The following CHN2 variants were observed in gnomAD, a reference collection of about 807,000 sequenced individuals.
CHN2 encodes the protein beta-chimaerin.
Under a neutral mutation model 56.3 loss-of-function variants are expected in CHN2, and 35 were observed. The observed-to-expected ratio is 0.62, with a 90% confidence interval of 0.47 to 0.82. CHN2 has a LOEUF of 0.82. Among genes scored for constraint, CHN2 ranks in the 40% least tolerant of loss-of-function variants. CHN2 has a pLI of 0.00. For missense variants in CHN2, 491 were observed against 580.5 expected (o/e 0.85, Z 1.58); for synonymous variants, 210 against 212.8 (o/e 0.99, Z 0.12).
intron 6 of CHN2, among the ~76,000 whole-genome samples, chr7:29,422,243 G>T (rs771482357): frequency 6.6e-6 from 1 of 152,122 alleles, no homozygotes; most frequent in African/African-American, 2.4e-5. Context: ...ATGATGGAAG[G>T]TTGGGCGTGG....
chr7:29,371,123 C>T (rs141397892), intron 3 of CHN2, among the ~76,000 whole-genome samples: 9 of 152,284 alleles, frequency 5.9e-5, no homozygotes, highest in Non-Finnish European at 1.3e-4. Flanking sequence ...TGATTCATGG[C>T]AGAGTCAGAA....
At chr7:29,408,076 G>T (rs566129496) in intron 6 of CHN2, among the ~76,000 whole-genome samples, 1 of 151,912 alleles carries the variant, frequency 6.6e-6, no homozygotes, top group Non-Finnish European at 1.5e-5. Flanking sequence ...TGTAATCCCA[G>T]CTACTCTGGA....
At chr7:29,448,693 T>C (rs1157281705) in intron 6 of CHN2, among the ~76,000 whole-genome samples, 3 of 152,228 alleles carry the variant, frequency 2.0e-5, no homozygotes, top group Admixed American at 6.5e-5. Context: ...GCCTGAAATA[T>C]TCTCCTGGGC....
intron 1 of CHN2, among the ~76,000 whole-genome samples, chr7:29,228,177 CGTGT>C (rs374910303): frequency 6.7e-6 from 1 of 149,328 alleles, no homozygotes; most frequent in Non-Finnish European, 1.5e-5. Flanking sequence ...CACACACACA[CGTGT>C]GTGTGTGTGT....
intron 6 of CHN2, among the ~76,000 whole-genome samples, chr7:29,412,432 A>G (rs1803328982): frequency 6.9e-6 from 1 of 144,608 alleles, no homozygotes; most frequent in Admixed American, 7.3e-5. Flanking sequence ...CCCGGGTTCA[A>G]GTGATTCTTC....
intron 1 of CHN2, among the ~76,000 whole-genome samples, chr7:29,266,083 C>T (rs1054487769): frequency 3.3e-5 from 5 of 152,162 alleles, no homozygotes; most frequent in Admixed American, 1.3e-4. Context: ...ACATCCTGCC[C>T]GAATGGCTGT....
intron 2 of CHN2, among the ~76,000 whole-genome samples, chr7:29,183,907 A>C (rs1046997471): frequency 2.0e-5 from 3 of 152,230 alleles, no homozygotes; most frequent in Non-Finnish European, 2.9e-5. Context: ...ATTAAAAATG[A>C]TACAAATAAA....
chr7:29,427,403 T>C (rs181923143), intron 6 of CHN2, among the ~76,000 whole-genome samples: 135 of 152,242 alleles, frequency 8.9e-4, no homozygotes, highest in East Asian at 5.8e-4. Flanking sequence ...CAGAATCCCT[T>C]TTACCGTATA....
intron 6 of CHN2, among the ~76,000 whole-genome samples, chr7:29,416,031 G>A (rs1045792360): frequency 7.9e-5 from 12 of 152,256 alleles, no homozygotes; most frequent in Admixed American, 4.6e-4. Context: ...ATTATTCCAC[G>A]GGGTTGGATA....
chr7:29,361,564 C>T lies in CHN2; in HGVS notation c.89-6368C>T, dbSNP rs897355717. On this transcript the variant is annotated intron_variant, in intron 2 of 12. Transcript: ENST00000222792. ...CCAGGAGAGAGAGGTGGCAGTTCCT[C>T]GCTTCTGGGGTTTGCCTTCCCCTTC... Among the ~76,000 whole-genome samples the T allele has an allele frequency of 2.0e-5, 3 of 152,174 alleles. No individual in the cohort carries two copies. In the East Asian group the frequency reaches 5.8e-4, roughly 29 times the overall value.
At chr7:29,427,009 CT>C (rs1192372267) in intron 6 of CHN2, among the ~76,000 whole-genome samples, 1 of 152,220 alleles carries the variant, frequency 6.6e-6, no homozygotes, top group Non-Finnish European at 1.5e-5. Context: ...AGAAAACTCT[CT>C]GCTTATAAAG....
At chr7:29,502,824 T>C (rs1232368955) in intron 9 of CHN2, among the ~76,000 whole-genome samples, 1 of 152,134 alleles carries the variant, frequency 6.6e-6, no homozygotes, top group Non-Finnish European at 1.5e-5. Context: ...GGTGATTTGC[T>C]GCACCTATCA....
chr7:29,153,547 G>A lies in CHN2; in HGVS notation c.274+6587G>A, dbSNP rs541829258. Among the ~76,000 whole-genome samples, 3 of 152,224 alleles carry A rather than the reference G, an allele frequency of 2.0e-5. No homozygotes were observed. The East Asian group carries it at 5.8e-4, about 29-fold the overall frequency. On this transcript the variant is annotated intron_variant, in intron 2 of 6. Transcript: ENST00000439384. ...GTGATCCAATTCCACTTAATGAACA[G>A]TAAATACATTTTCTCTCCCTTATAA...
intron 1 of CHN2, among the ~76,000 whole-genome samples, chr7:29,227,051 A>G (rs2128797388): frequency 6.6e-6 from 1 of 152,350 alleles, no homozygotes; most frequent in South Asian, 2.1e-4. Context: ...AATATGGGAC[A>G]TGATGCTGTC....
chr7:29,511,201 T>TA (rs1295909364), intron 12 of CHN2, among the ~76,000 whole-genome samples: 2 of 152,216 alleles, frequency 1.3e-5, no homozygotes, highest in Non-Finnish European at 2.9e-5. Context: ...TTCTACCTTA[T>TA]AAGACATACA....
chr7:29,416,026 T>G (rs967568115), intron 6 of CHN2, among the ~76,000 whole-genome samples: 1 of 152,202 alleles, frequency 6.6e-6, no homozygotes, highest in Non-Finnish European at 1.5e-5. Context: ...AACCCATTAT[T>G]CCACGGGGTT....
In CHN2 at chr7:29,509,344, G is replaced by A. The variant is rs1164731644; in HGVS notation, c.1173G>A (p.Val391=). ...AGAGGCTGGAAGCCGTCCATGAAGT[G>A]CTGATGCTGCTGCCTCCTGCCCACT... ...ADERLEAVHE[V]LMLLPPAHYE... The change falls in exon 12 of 13, where the codon GTG becomes GTA. Residue 391 remains valine, a synonymous_variant. Coordinates refer to ENST00000222792, the MANE Select transcript of CHN2 (RefSeq NM_004067.4). 5.6e-6 allele frequency: 9 copies of A among 1,614,114 alleles called. No individual in the cohort carries two copies. The highest frequency in any genetic ancestry group is 2.2e-5 in the East Asian group (1 of 44,878).
chr7:29,190,598 G>GAT (rs1782765381), upstream of CHN2, among the ~76,000 whole-genome samples: 3 of 152,186 alleles, frequency 2.0e-5, no homozygotes, highest in African/African-American at 7.2e-5. Flanking sequence ...GTGAAGGAGG[G>GAT]TGGGGTGGGG....
chr7:29,482,222 A>G (rs993123549), intron 7 of CHN2, among the ~76,000 whole-genome samples: 3 of 152,236 alleles, frequency 2.0e-5, no homozygotes, highest in African/African-American at 7.2e-5. Context: ...AGAGGAGTAC[A>G]CAAGCCAGAC....
Sources: allele counts gnomAD v4.1 joint callset (sites outside exome capture counted in the v4.1 genomes callset), GRCh38; gene constraint gnomAD v4.1.1; transcripts MANE v1.5; gene names NCBI Gene and HGNC (gene_info 2026-07-23, HGNC 2026-07-21).